CAMTA1: variants seen among roughly 807,000 people sequenced by gnomAD.
CAMTA1 encodes the protein calmodulin-binding transcription activator 1.
In CAMTA1, 27 loss-of-function variants were observed where a neutral mutation model predicts 170.9. The observed-to-expected ratio is 0.16, with a 90% CI of 0.12 to 0.22. The LOEUF is 0.22. Ranked by LOEUF, CAMTA1 falls within the 10% of genes least tolerant of loss-of-function variation. CAMTA1 has a pLI of 1.00. For missense variants in CAMTA1, 1,619 were observed against 2,217.2 expected (o/e 0.73, Z 5.42); for synonymous variants, 833 against 891.5 (o/e 0.93, Z 1.17).
chr1:6,865,430 A>G (rs766369527), intron 3 of CAMTA1, among the ~76,000 whole-genome samples: 8 of 152,176 alleles, frequency 5.3e-5, no homozygotes, highest in East Asian at 1.9e-4. Flanking sequence ...AGAAACTTAT[A>G]GATCCTTCAG....
intron 3 of CAMTA1, among the ~76,000 whole-genome samples, chr1:6,956,041 C>G (rs1189595044): frequency 6.6e-6 from 1 of 152,164 alleles, no homozygotes; most frequent in African/African-American, 2.4e-5. Flanking sequence ...GCAGCAGAGC[C>G]TCAGATACGT....
intron 11 of CAMTA1, among the ~76,000 whole-genome samples, chr1:7,728,631 C>T (rs1216806142): frequency 6.6e-6 from 1 of 152,206 alleles, no homozygotes; most frequent in Non-Finnish European, 1.5e-5. Context: ...CAAGTAGGTT[C>T]CGAGATCAAT....
At chr1:7,036,529 A>G (rs186865572) in intron 3 of CAMTA1, among the ~76,000 whole-genome samples, 7 of 152,344 alleles carry the variant, frequency 4.6e-5, no homozygotes, top group African/African-American at 1.7e-4. Context: ...AACAGAGACG[A>G]CTAGCATTCA....
chr1:7,516,403 C>T (rs764897049), intron 6 of CAMTA1, among the ~76,000 whole-genome samples: 46 of 152,108 alleles, frequency 3.0e-4, no homozygotes, highest in Non-Finnish European at 5.7e-4. Context: ...GAGGAGGGGC[C>T]GTGGAGGGCA....
intron 3 of CAMTA1, among the ~76,000 whole-genome samples, chr1:6,951,311 T>C (rs4908578): frequency 0.98 from 149,663 of 152,298 alleles, 73,573 homozygotes; most frequent in Middle Eastern, 1. Context: ...AGCTTTACAT[T>C]TGTGTAAAGT....
chr1:7,421,140 C>CT (rs547998366), intron 5 of CAMTA1, among the ~76,000 whole-genome samples: 3 of 151,698 alleles, frequency 2.0e-5, no homozygotes, highest in Non-Finnish European at 4.4e-5. Flanking sequence ...GGTTGAATTT[C>CT]TTTTTTCTTT....
intron 4 of CAMTA1, among the ~76,000 whole-genome samples, chr1:7,200,473 T>G (rs1656456663): frequency 6.6e-6 from 1 of 152,216 alleles, no homozygotes; most frequent in Non-Finnish European, 1.5e-5. Flanking sequence ...TGAGTTTTGG[T>G]CCTGGATTCA....
At chr1:7,600,444 G>A (rs547973644) in intron 6 of CAMTA1, among the ~76,000 whole-genome samples, 3 of 151,592 alleles carry the variant, frequency 2.0e-5, no homozygotes, top group African/African-American at 7.3e-5. Context: ...TCAGGATAAC[G>A]CTGGCCTCAT....
chr1:7,208,501 A>C (rs1450249987), intron 4 of CAMTA1, among the ~76,000 whole-genome samples: 1 of 152,210 alleles, frequency 6.6e-6, no homozygotes, highest in Admixed American at 6.5e-5. Context: ...TGAAAGCTAC[A>C]TAGGGCAGGG....
intron 3 of CAMTA1, among the ~76,000 whole-genome samples, chr1:6,876,672 T>G (rs941457150): frequency 1.3e-5 from 2 of 152,184 alleles, no homozygotes; most frequent in Admixed American, 1.3e-4. Context: ...CAAATGAACA[T>G]TTCTTAATTT....
intron 4 of CAMTA1, among the ~76,000 whole-genome samples, chr1:7,178,173 T>C (rs1651349517): frequency 1.3e-5 from 2 of 152,222 alleles, no homozygotes; most frequent in South Asian, 4.1e-4. Flanking sequence ...TCTGTATAGC[T>C]TTTGTTCCTC....
chr1:7,253,773 G>A (rs1666959735), intron 5 of CAMTA1, among the ~76,000 whole-genome samples: 2 of 152,118 alleles, frequency 1.3e-5, no homozygotes, highest in Admixed American at 1.3e-4. Context: ...CATTATATCA[G>A]TTCCTTCGGG....
chr1:6,815,057 A>G (rs967876196), intron 1 of CAMTA1, among the ~76,000 whole-genome samples: 2 of 152,168 alleles, frequency 1.3e-5, no homozygotes, highest in African/African-American at 4.8e-5. Context: ...CTGAATTTCC[A>G]TACTGCTATC....
intron 4 of CAMTA1, among the ~76,000 whole-genome samples, chr1:7,220,625 G>A (rs1660578313): frequency 6.6e-6 from 1 of 152,214 alleles, no homozygotes; most frequent in Admixed American, 6.5e-5. Context: ...CCTCGGCTCT[G>A]TGGCTTTGGA....
chr1:7,104,356 TACTC>T lies in CAMTA1; in HGVS notation c.302+12987_302+12990del, dbSNP rs1438354184. On this transcript the variant is annotated intron_variant, in intron 4 of 22. Coordinates refer to ENST00000303635, the MANE Select transcript of CAMTA1 (RefSeq NM_015215.4). The stretch of plus-strand genomic sequence containing the variant: ...ACATACATGTACACACATGCATAAA[TACTC>T]AATACACATACACACACACACACAC... Among the ~76,000 whole-genome samples, 33 of 127,064 alleles carry T rather than the reference TACTC, an allele frequency of 2.6e-4. 1 individual carries two copies. The highest frequency in any genetic ancestry group is 5.0e-4 in the African/African-American group (16 of 32,008). The allele number at this position is 127,064 out of a possible 152,430, so 83.4% of individuals were successfully genotyped here. A position where few individuals can be genotyped will look rare whatever the true frequency, so the allele number is the denominator to read the frequency against.
At chr1:7,094,240 T>G (rs1300632799) in intron 4 of CAMTA1, among the ~76,000 whole-genome samples, 1 of 152,142 alleles carries the variant, frequency 6.6e-6, no homozygotes, top group Non-Finnish European at 1.5e-5. Context: ...AATTAGTTGT[T>G]GAGTTGTGTT....
At chr1:7,106,151 C>T (rs1283437456) in intron 4 of CAMTA1, among the ~76,000 whole-genome samples, 2 of 152,114 alleles carry the variant, frequency 1.3e-5, no homozygotes, top group African/African-American at 2.4e-5. Context: ...GAGTATCTTA[C>T]AGGCTGCTTA....
At chr1:7,349,325 C>T (rs1239369918) in intron 5 of CAMTA1, among the ~76,000 whole-genome samples, 2 of 152,194 alleles carry the variant, frequency 1.3e-5, no homozygotes, top group South Asian at 2.1e-4. Flanking sequence ...TTAATTACCA[C>T]CTTATGAGCG....
intron 4 of CAMTA1, among the ~76,000 whole-genome samples, chr1:7,164,592 C>T (rs1310045868): frequency 2.6e-5 from 4 of 152,114 alleles, no homozygotes; most frequent in East Asian, 1.9e-4. Flanking sequence ...CTGTCATGTG[C>T]GGAATTGGGC....
Sources: gnomAD v4.1 joint callset for allele counts (sites outside exome capture counted in the v4.1 genomes callset) on GRCh38, gnomAD v4.1.1 for gene constraint, MANE v1.5 for transcripts, NCBI Gene and HGNC (gene_info 2026-07-23, HGNC 2026-07-21) for gene names.